RFC2: variants seen among roughly 807,000 people sequenced by gnomAD.
RFC2 encodes replication factor C subunit 2.
In RFC2, 34 loss-of-function variants were observed where a neutral mutation model predicts 44.8. That is an observed-to-expected ratio of 0.76 (90% CI 0.58 to 1.01). The LOEUF is 1.01. Ranked by LOEUF, RFC2 falls within the 50% of genes least tolerant of loss-of-function variation. The pLI, the probability that RFC2 is intolerant of heterozygous loss-of-function variation, is 0.00. For missense variants in RFC2, 400 were observed against 453.6 expected, an observed-to-expected ratio of 0.88 and a Z score of 1.07; for synonymous variants, 177 against 168.9, an observed-to-expected ratio of 1.05 and a Z score of -0.37.
intron 2 of RFC2, among the ~76,000 whole-genome samples, chr7:74,252,009 G>A (rs1167707411): frequency 1.4e-5 from 2 of 143,330 alleles, no homozygotes; most frequent in African/African-American, 5.2e-5. Flanking sequence ...TGAGGCAGGA[G>A]AATGGCGTGA....
At chr7:74,253,222 C>CTT (rs537519473) in intron 1 of RFC2, among the ~76,000 whole-genome samples, 6 of 140,386 alleles carry the variant, frequency 4.3e-5, no homozygotes, top group Admixed American at 7.1e-5. Flanking sequence ...AGTTTCTTTT[C>CTT]TTTTTTTTTT....
chr7:74,253,438 G>A lies in RFC2; in HGVS notation c.113+833C>T, dbSNP rs368327182. On this transcript the variant is annotated intron_variant, in intron 1 of 10. Transcript: ENST00000055077. ...CAGCATAGCTGGCTAGACACCGTAG[G>A]CCTAGGCTGGGTACAGTGGCTCATG... 3.3e-4 allele frequency among the ~76,000 whole-genome samples: 50 copies of A among 152,150 alleles called. No homozygotes were observed. In the East Asian group the frequency reaches 3.9e-3, roughly 12 times the overall value.
intron 6 of RFC2, among the ~76,000 whole-genome samples, chr7:74,242,031 C>T (rs1274409048): frequency 3.3e-5 from 5 of 152,014 alleles, no homozygotes; most frequent in South Asian, 2.1e-4. Context: ...GGACCTGGGG[C>T]GGGACAAACC....
In RFC2 at chr7:74,235,527, C is replaced by G; in HGVS notation, c.954+5G>C. 1 of 1,552,768 alleles carries G rather than the reference C, an allele frequency of 6.4e-7. No individual in the cohort carries two copies. Among genetic ancestry groups the G allele is most frequent in the South Asian group, 1.1e-5 (1 of 89,832 alleles). ...GGACAGAGGCATTTCTACATTCTCA[C>G]CGACCTTGATAAACTCCAGTTTCAG... is the stretch of plus-strand genomic sequence containing the variant. On this transcript the variant is annotated splice_donor_5th_base_variant and intron_variant, in intron 10 of 10. Transcript: ENST00000055077.
chr7:74,236,192 C>T (rs1803005521), intron 9 of RFC2, among the ~76,000 whole-genome samples: 1 of 152,168 alleles, frequency 6.6e-6, no homozygotes, highest in African/African-American at 2.4e-5. Context: ...TCCCACCCAC[C>T]CTGCCCCACC....
At chr7:74,249,891 G>T in intron 2 of RFC2, 111 bp from the exon 3 acceptor site, 1 of 915,840 alleles carries the variant, frequency 1.1e-6, no homozygotes, top group Non-Finnish European at 1.8e-6. Context: ...GAGCACAATG[G>T]CTCAGGCCTG....
intron 6 of RFC2, among the ~76,000 whole-genome samples, chr7:74,242,094 G>A (rs1803362226): frequency 6.6e-6 from 1 of 152,224 alleles, no homozygotes; most frequent in South Asian, 2.1e-4. Context: ...AAACAGTAAG[G>A]TTAGAGAAAA....
At chr7:74,237,706 T>C (rs3135687) in intron 8 of RFC2, among the ~76,000 whole-genome samples, 10,821 of 152,222 alleles carry the variant, frequency 0.071, 1,256 homozygotes, top group African/African-American at 0.24. Flanking sequence ...GATGCTCACT[T>C]GGGGACAGCT....
intron 4 of RFC2, among the ~76,000 whole-genome samples, chr7:74,246,998 CA>C (rs1803655502): frequency 7.3e-6 from 1 of 137,786 alleles, no homozygotes; most frequent in Admixed American, 7.3e-5. Context: ...TTTCTTCAGA[CA>C]GGGTCTCGCT....
rs782119732 is a variant in RFC2 at position 74,233,900 on chromosome 7, C to T, written c.954+1632G>A. The T allele has an allele frequency of 4.1e-4, 189 of 456,486 alleles. 1 individual carries two copies. The highest frequency in any genetic ancestry group is 6.1e-4 in the Non-Finnish European group (139 of 226,986). 28.3% of individuals were successfully genotyped at this position (456,486 alleles called of 1,614,324 possible). On this transcript the variant is annotated intron_variant, in intron 10 of 10. Transcript: ENST00000055077. ...GGAAAACCGTTTGGCAGTTCCTTAT[C>T]GAGTAAAACATACACTTATCATTTT...
Position 74,236,610 on chromosome 7 carries a change from C to T in RFC2, c.840+752G>A, listed in dbSNP as rs547319676. On this transcript the variant is annotated intron_variant, in intron 9 of 10. Coordinates refer to ENST00000055077, the MANE Select transcript of RFC2 (RefSeq NM_181471.3). The stretch of plus-strand genomic sequence containing the variant: ...TCCTCTCCTGGCTAGCTGGGGGCTG[C>T]TGGATCCCAGAATGCCTGTGCCTAT... 1.8e-4 allele frequency among the ~76,000 whole-genome samples: 27 copies of T among 152,300 alleles called. 3 individuals carry two copies. The South Asian group carries it at 5.6e-3, about 32-fold the overall frequency.
chr7:74,244,321 T>C (rs1584256560), intron 5 of RFC2, among the ~76,000 whole-genome samples: 2 of 151,544 alleles, frequency 1.3e-5, no homozygotes, highest in East Asian at 3.9e-4. Context: ...CTAAATTTTC[T>C]TCAAAGAACA....
intron 8 of RFC2, among the ~76,000 whole-genome samples, chr7:74,237,947 A>C (rs1024480882): frequency 6.6e-6 from 1 of 152,152 alleles, no homozygotes; most frequent in South Asian, 2.1e-4. Context: ...TCCTCCCTGC[A>C]GCATTCTCCG....
intron 5 of RFC2, among the ~76,000 whole-genome samples, chr7:74,243,494 A>AGGGCTGCCATC (rs1352761844): frequency 6.6e-6 from 1 of 152,000 alleles, no homozygotes; most frequent in Non-Finnish European, 1.5e-5. Flanking sequence ...ACGATCTACA[A>AGGGCTGCCATC]GGGCTGCCAT....
At chr7:74,251,888 G>C (rs1217155710) in intron 2 of RFC2, among the ~76,000 whole-genome samples, 2 of 147,112 alleles carry the variant, frequency 1.4e-5, no homozygotes, top group Admixed American at 1.4e-4. Flanking sequence ...ACGAGGTCAG[G>C]AGATCGAGAC....
intron 10 of RFC2, among the ~76,000 whole-genome samples, chr7:74,233,180 C>G (rs1802822844): frequency 6.6e-6 from 1 of 152,176 alleles, no homozygotes; most frequent in Non-Finnish European, 1.5e-5. Context: ...CACTGCACTC[C>G]AGCCTGGGTG....
At chr7:74,254,242 C>T (rs1554721546) in intron 1 of RFC2, 29 bp downstream of exon 1, 3 of 1,533,560 alleles carry the variant, frequency 2.0e-6, no homozygotes, top group South Asian at 1.1e-5. Flanking sequence ...CGTCCAAACG[C>T]GCCCATTCTT....
At chr7:74,249,262 C>T (rs782371826) in intron 3 of RFC2, 144 bp from the exon 4 acceptor site, 49 of 1,464,648 alleles carry the variant, frequency 3.3e-5, no homozygotes, top group Non-Finnish European at 4.3e-5. Flanking sequence ...TACAGCTGGC[C>T]GGAGACAGTG....
At position 74,240,105 on chromosome 7, in the gene RFC2, G is replaced by C. The variant is rs782343228; in HGVS notation, c.536-10C>G. On this transcript the variant is annotated splice_polypyrimidine_tract_variant and intron_variant, in intron 6 of 10. Coordinates refer to ENST00000055077, the MANE Select transcript of RFC2 (RefSeq NM_181471.3). The stretch of plus-strand genomic sequence containing the variant: ...CGGGACTGAATGGGCTCTGAACAGA[G>C]ACGGGACAGTAGTGAGGCTTCCCTG... 46 of 1,612,690 alleles carry C rather than the reference G, an allele frequency of 2.9e-5. No homozygotes were observed. The South Asian group carries it at 4.8e-4, about 17-fold the overall frequency.
Sources: gnomAD v4.1 joint callset for allele counts (sites outside exome capture counted in the v4.1 genomes callset) on GRCh38, gnomAD v4.1.1 for gene constraint, MANE v1.5 for transcripts, NCBI Gene and HGNC (gene_info 2026-07-23, HGNC 2026-07-21) for gene names.